Variants in KNDC1 observed in about 807,000 individuals in gnomAD.
KNDC1 encodes kinase non-catalytic C-lobe domain containing 1, also known as kinase non-catalytic C-lobe domain-containing protein 1.
KNDC1 carries 106 observed loss-of-function variants against 172.8 expected under a neutral mutation model. The observed-to-expected ratio is 0.61, with a 90% confidence interval of 0.52 to 0.72. The LOEUF (loss-of-function observed/expected upper bound fraction) is 0.72. Ranked by LOEUF, KNDC1 falls within the 30% of genes least tolerant of loss-of-function variation. KNDC1 has a pLI of 0.00. For synonymous variants in KNDC1, 1,083 were observed against 1,062.2 expected, an observed-to-expected ratio of 1.02 and a Z score of -0.38; for missense variants, 2,325 against 2,394.5, an observed-to-expected ratio of 0.97 and a Z score of 0.61.
chr10:133,164,344 G>A (rs1238501924), intron 1 of KNDC1: 2 of 152,392 alleles, frequency 1.3e-5, no homozygotes, highest in African/African-American at 4.8e-5. Context: ...TGTGCCGGCA[G>A]ACGGAGTCAC....
intron 3 of KNDC1, among the ~76,000 whole-genome samples, chr10:133,178,023 G>A (rs1485745770): frequency 6.7e-6 from 1 of 149,060 alleles, no homozygotes; most frequent in Non-Finnish European, 1.5e-5. Flanking sequence ...GCATGCATGT[G>A]GTATGTGTCA....
intron 29 of KNDC1, among the ~76,000 whole-genome samples, chr10:133,220,905 C>A (rs1845574458): frequency 6.6e-6 from 1 of 152,224 alleles, no homozygotes; most frequent in Admixed American, 6.5e-5. Context: ...GGTGGCACCT[C>A]TCCTCCTGTC....
intron 3 of KNDC1, among the ~76,000 whole-genome samples, chr10:133,178,127 G>T (rs1853608046): frequency 6.6e-6 from 1 of 151,442 alleles, no homozygotes; most frequent in African/African-American, 2.4e-5. Flanking sequence ...TGGTGTGTGT[G>T]CATGCATGTA....
intron 1 of KNDC1, among the ~76,000 whole-genome samples, chr10:133,166,219 G>A (rs1030390692): frequency 1.3e-5 from 2 of 152,104 alleles, no homozygotes; most frequent in Non-Finnish European, 2.9e-5. Flanking sequence ...GGGAGGGGGG[G>A]CCAGCGATGG....
intron 5 of KNDC1, 44 bp downstream of exon 5, chr10:133,184,033 C>A: frequency 8.7e-7 from 1 of 1,145,366 alleles, no homozygotes; most frequent in Non-Finnish European, 1.3e-6. Flanking sequence ...TGCACATATA[C>A]CTGTGTGCCA....
intron 23 of KNDC1, among the ~76,000 whole-genome samples, chr10:133,212,256 C>T (rs1441576575): frequency 2.0e-5 from 3 of 151,746 alleles, no homozygotes; most frequent in African/African-American, 7.3e-5. Flanking sequence ...TCCACACATG[C>T]ACACACGTGC....
At chr10:133,188,722 G>A (rs182555203) in intron 7 of KNDC1, 69 bp downstream of exon 7, 35,071 of 641,232 alleles carry the variant, frequency 0.055, 1,124 homozygotes, top group Non-Finnish European at 0.06. Context: ...CCCCACCGCC[G>A]TCCCACACCC....
At chr10:133,215,032 AC>A (rs1447245155) in intron 26 of KNDC1, among the ~76,000 whole-genome samples, 1 of 152,120 alleles carries the variant, frequency 6.6e-6, no homozygotes, top group Non-Finnish European at 1.5e-5. Context: ...ATCTCCTCAC[AC>A]CTGAGCTCAG....
rs1187633052 is a variant in KNDC1 at position 133,226,103 on chromosome 10, CAA to C, written c.*1214_*1215del. 6.6e-6 allele frequency: 1 copy of C among 152,242 alleles called. No individual in the cohort carries two copies. Among genetic ancestry groups the C allele is most frequent in the African/African-American group, 2.4e-5 (1 of 41,466 alleles). 9.4% of individuals were successfully genotyped at this position (152,242 alleles called of 1,614,324 possible). On this transcript the variant is annotated 3_prime_UTR_variant, in exon 30 of 30. Transcript: ENST00000304613. ...TGACAAATCGCTGCATTTTTAATGT[CAA>C]GATGTGTTTTCCCACATAAATTCAC... is the stretch of plus-strand genomic sequence containing the variant.
At chr10:133,188,695 C>G in intron 7 of KNDC1, 42 bp downstream of exon 7, 13 of 1,093,464 alleles carry the variant, frequency 1.2e-5, no homozygotes, top group Non-Finnish European at 1.5e-5. Context: ...GTCCCCACCC[C>G]CCACTGCTGT....
At chr10:133,217,647 T>C (rs190616837) in intron 26 of KNDC1, among the ~76,000 whole-genome samples, 1 of 152,148 alleles carries the variant, frequency 6.6e-6, no homozygotes, top group East Asian at 1.9e-4. Flanking sequence ...GAGACCAGCC[T>C]GGCTGACATG....
At position 133,198,518 on chromosome 10, in the gene KNDC1, C is replaced by A. The variant is rs759376634; in HGVS notation, c.2069+19C>A. On this transcript the variant is annotated intron_variant, in intron 13 of 29. Coordinates refer to ENST00000304613, the MANE Select transcript of KNDC1 (RefSeq NM_152643.8). ...TGGCCAGGTGAGCATCGTCCCCACA[C>A]CCCGGAGCTGCTGGGTCCCGGGCGC... is the stretch of plus-strand genomic sequence containing the variant. The A allele has an allele frequency of 1.9e-6, 3 of 1,590,626 alleles. No homozygotes were observed. Among genetic ancestry groups the A allele is most frequent in the Non-Finnish European group, 2.6e-6 (3 of 1,164,510 alleles).
rs375619124 is a variant in KNDC1, at chr10:133,197,875, G to A, written c.1906+107G>A. ...ACAGCCGGGCACCTCTCGGAAACCC[G>A]GGAAGCAAGTCCAGAGCTCGGCCAA... is the stretch of plus-strand genomic sequence containing the variant. On this transcript the variant is annotated intron_variant, in intron 12 of 29. Transcript: ENST00000304613. The A allele has an allele frequency of 4.0e-4, 369 of 933,664 alleles. 6 individuals are homozygous for A. The South Asian group carries it at 4.3e-3, about 11-fold the overall frequency. 57.8% of individuals were successfully genotyped at this position (933,664 alleles called of 1,614,324 possible). A position where few individuals can be genotyped will look rare whatever the true frequency, so the allele number is the denominator to read the frequency against.
intron 20 of KNDC1, 22 bp from the exon 21 acceptor site, chr10:133,210,589 C>A (rs375894365): frequency 2.0e-6 from 3 of 1,530,476 alleles, no homozygotes; most frequent in Non-Finnish European, 2.7e-6. Context: ...ACCACCTCAC[C>A]GCCGCCCGCC....
intron 24 of KNDC1, 128 bp downstream of exon 24, chr10:133,213,050 G>T: frequency 1.2e-6 from 1 of 847,638 alleles, no homozygotes; most frequent in Non-Finnish European, 1.8e-6. Context: ...CAGCTGCCAG[G>T]TGCACAGGTT....
In KNDC1 at chr10:133,168,269, C is replaced by G. The variant is rs142102440; in HGVS notation, c.317C>G (p.Ala106Gly). 6.2e-7 allele frequency: 1 copy of G among 1,614,142 alleles called. No homozygotes were observed. The highest frequency in any genetic ancestry group is 2.2e-5 in the East Asian group (1 of 44,874). The change falls in exon 3 of 30, where the codon GCC becomes GGC. Residue 106 changes from alanine (A) to glycine (G), a missense_variant. By Grantham distance (60) the Ala-to-Gly change is moderately conservative. Transcript: ENST00000304613. ...MEQLSDDPEG[A>G]FVPPEFDVTG... The stretch of plus-strand genomic sequence containing the variant: ...CCTCCCCAAGACGACCCTGAGGGTG[C>G]CTTCGTTCCCCCCGAGTTCGACGTG...
intron 26 of KNDC1, 92 bp from the exon 27 acceptor site, chr10:133,218,739 T>C (rs1845519795): frequency 1.3e-6 from 2 of 1,481,974 alleles, no homozygotes; most frequent in African/African-American, 1.4e-5. Context: ...CGCTCTTGTG[T>C]CTTGGAGCTG....
chr10:133,197,889 G>A (rs1854239044), intron 12 of KNDC1, 121 bp downstream of exon 12: 1 of 838,862 alleles, frequency 1.2e-6, no homozygotes, highest in Non-Finnish European at 2.0e-6. Context: ...AGCAAGTCCA[G>A]AGCTCGGCCA....
Position 133,208,433 on chromosome 10 carries a change from G to A in KNDC1, c.3794+1082G>A, listed in dbSNP as rs187650290. The stretch of plus-strand genomic sequence containing the variant: ...CCCGTTACCCCAAGGACCCTCTAGA[G>A]AGGGATGTGGCCCCCCCAACCCCGT... On this transcript the variant is annotated intron_variant, in intron 20 of 29. Coordinates refer to ENST00000304613, the MANE Select transcript of KNDC1 (RefSeq NM_152643.8). 1.3e-4 allele frequency among the ~76,000 whole-genome samples: 4 copies of A among 30,946 alleles called. 2 individuals are homozygous for A. The highest frequency in any genetic ancestry group is 2.9e-4 in the African/African-American group (2 of 6,804). 20.3% of individuals were successfully genotyped at this position (30,946 alleles called of 152,430 possible).
Sources: gnomAD v4.1 joint callset for allele counts (sites outside exome capture counted in the v4.1 genomes callset) on GRCh38, gnomAD v4.1.1 for gene constraint, MANE v1.5 for transcripts, NCBI Gene and HGNC (gene_info 2026-07-23, HGNC 2026-07-21) for gene names.